Variants in PRRX2 observed in about 807,000 individuals in gnomAD.
PRRX2 encodes the protein paired mesoderm homeobox protein 2.
Under a neutral mutation model 18.0 loss-of-function variants are expected in PRRX2, and 11 were observed. The observed-to-expected ratio is 0.61, with a 90% CI of 0.39 to 1.01. The LOEUF is 1.01. PRRX2 is among the 50% of genes least tolerant of loss of function. The pLI is 0.01. For synonymous variants in PRRX2, 177 were observed against 154.8 expected (o/e 1.14, Z -1.06); for missense variants, 387 against 351.0 (o/e 1.10, Z -0.82).
rs976611683 is a variant in PRRX2 at position 129,715,573 on chromosome 9, A to G, written c.260-3658A>G. 6.6e-6 allele frequency among the ~76,000 whole-genome samples: 1 copy of G among 152,148 alleles called. No individual in the cohort carries two copies. Among genetic ancestry groups the G allele is most frequent in the African/African-American group, 2.4e-5 (1 of 41,430 alleles). ...GCCACTGCACTCCAGCTTGGGCAAC[A>G]GAGTGAGACCCTGTCTCAAAAAATA... On this transcript the variant is annotated intron_variant, in intron 1 of 3. Coordinates refer to ENST00000372469, the MANE Select transcript of PRRX2 (RefSeq NM_016307.4). This position sits in a 1 kb window ranked among gnomAD's most constrained non-coding sequence, Gnocchi z 4.0.
chr9:129,684,502 AC>A (rs1832276788), intron 1 of PRRX2, among the ~76,000 whole-genome samples: 2 of 83,218 alleles, frequency 2.4e-5, no homozygotes, highest in Admixed American at 1.1e-4. Context: ...ACACACACAC[AC>A]ACACACACAC....
At chr9:129,674,181 G>A (rs960797552) in intron 1 of PRRX2, among the ~76,000 whole-genome samples, 1 of 152,182 alleles carries the variant, frequency 6.6e-6, no homozygotes, top group Non-Finnish European at 1.5e-5. Context: ...CCCGGGTCCA[G>A]CTGCCCTGCT....
chr9:129,707,720 G>A (rs999721840), intron 1 of PRRX2, among the ~76,000 whole-genome samples: 5 of 151,820 alleles, frequency 3.3e-5, no homozygotes, highest in African/African-American at 1.2e-4. Flanking sequence ...GAACCCAGGA[G>A]GAGGAGGTTG....
chr9:129,676,572 A>G (rs544886377), intron 1 of PRRX2, among the ~76,000 whole-genome samples: 2 of 152,214 alleles, frequency 1.3e-5, no homozygotes, highest in Non-Finnish European at 2.9e-5. Flanking sequence ...ACTGTGAAGC[A>G]GGGACTGAGG....
chr9:129,696,820 G>A (rs1832429974), intron 1 of PRRX2, among the ~76,000 whole-genome samples: 1 of 152,118 alleles, frequency 6.6e-6, no homozygotes, highest in African/African-American at 2.4e-5. Context: ...CTGACAGAGG[G>A]AGGGCAAGGG....
At chr9:129,694,527 C>T (rs1481935609) in intron 1 of PRRX2, among the ~76,000 whole-genome samples, 5 of 152,182 alleles carry the variant, frequency 3.3e-5, no homozygotes, top group Admixed American at 3.3e-4. Context: ...TGCTGGCTGC[C>T]TCCTGGGGAG....
rs898945026 is a variant in PRRX2 at position 129,671,207 on chromosome 9, C to T, written c.259+5081C>T. Among the ~76,000 whole-genome samples the T allele has an allele frequency of 6.6e-5, 10 of 152,142 alleles. No homozygotes were observed. The highest frequency in any genetic ancestry group is 1.9e-4 in the East Asian group (1 of 5,192). On this transcript the variant is annotated intron_variant, in intron 1 of 3. Coordinates refer to ENST00000372469, the MANE Select transcript of PRRX2 (RefSeq NM_016307.4). The surrounding 1 kb of genome is among the most constrained non-coding windows in gnomAD (Gnocchi z 4.0). ...CAGATGATCATGTCTCAGCAGGAGC[C>T]GGGGAGCAGGGAGGGAGGAGGAGTG... is the stretch of plus-strand genomic sequence containing the variant.
At chr9:129,704,331 G>C (rs1157107225) in intron 1 of PRRX2, among the ~76,000 whole-genome samples, 1 of 152,240 alleles carries the variant, frequency 6.6e-6, no homozygotes, top group Non-Finnish European at 1.5e-5. Context: ...CCACCTGAGA[G>C]GGAGGGAGAG....
chr9:129,707,822 T>C (rs36121890), intron 1 of PRRX2, among the ~76,000 whole-genome samples: 53 of 151,928 alleles, frequency 3.5e-4, no homozygotes, highest in Non-Finnish European at 6.6e-4. Context: ...TATGGACATA[T>C]GTCATTGTGT....
At chr9:129,713,589 T>C (rs1364248343) in intron 1 of PRRX2, among the ~76,000 whole-genome samples, 3 of 151,686 alleles carry the variant, frequency 2.0e-5, no homozygotes, top group Non-Finnish European at 1.5e-5. Context: ...CAGCCTTGGC[T>C]TGGCCAGGCC....
At position 129,675,591 on chromosome 9, in the gene PRRX2, C is replaced by A. The variant is rs1832153761; in HGVS notation, c.259+9465C>A. Among the ~76,000 whole-genome samples the A allele has an allele frequency of 6.6e-6, 1 of 152,140 alleles. No homozygotes were observed. The highest frequency in any genetic ancestry group is 1.5e-5 in the Non-Finnish European group (1 of 68,000). On this transcript the variant is annotated intron_variant, in intron 1 of 3. Transcript: ENST00000372469. The surrounding 1 kb of genome is among the most constrained non-coding windows in gnomAD (Gnocchi z 4.4). The stretch of plus-strand genomic sequence containing the variant: ...CCCCCAGGGGGCGGCTGCCTTGCCC[C>A]AGACTTTGTCCTCCTGCCCCCACCC...
intron 1 of PRRX2, among the ~76,000 whole-genome samples, chr9:129,670,264 T>A (rs919407700): frequency 6.6e-6 from 1 of 152,056 alleles, no homozygotes. Context: ...TCCCATCTAC[T>A]GTGAACAGCA....
At chr9:129,674,336 ATAT>A (rs1832138440) in intron 1 of PRRX2, among the ~76,000 whole-genome samples, 1 of 151,944 alleles carries the variant, frequency 6.6e-6, no homozygotes, top group Non-Finnish European at 1.5e-5. Context: ...TCTCTGGAAG[ATAT>A]TATTCTGGTT....
intron 1 of PRRX2, among the ~76,000 whole-genome samples, chr9:129,705,887 G>C (rs1217224774): frequency 6.6e-6 from 1 of 151,204 alleles, no homozygotes; most frequent in African/African-American, 2.4e-5. Context: ...AGCCACTCCT[G>C]CTGGCTCTCT....
chr9:129,682,104 G>A (rs748999646), intron 1 of PRRX2, among the ~76,000 whole-genome samples: 10 of 152,094 alleles, frequency 6.6e-5, no homozygotes, highest in Non-Finnish European at 1.3e-4. Context: ...TCCTGTGCCC[G>A]AGGTACCCCA....
chr9:129,701,498 G>C (rs1438776984), intron 1 of PRRX2, among the ~76,000 whole-genome samples: 6 of 152,198 alleles, frequency 3.9e-5, no homozygotes, highest in Non-Finnish European at 8.8e-5. Context: ...AGGAAAGCGG[G>C]ATATGGTTGG....
intron 1 of PRRX2, among the ~76,000 whole-genome samples, chr9:129,701,965 A>T (rs945807035): frequency 2.0e-5 from 3 of 152,094 alleles, no homozygotes; most frequent in Admixed American, 6.6e-5. Context: ...GTCAGGCCTG[A>T]TGCCGGGTGC....
intron 1 of PRRX2, among the ~76,000 whole-genome samples, chr9:129,717,330 G>A (rs113380204): frequency 0.021 from 3,118 of 152,068 alleles, 53 homozygotes; most frequent in Middle Eastern, 0.078. Context: ...TCAGCGTCCC[G>A]AAGTGATGGG....
In PRRX2 at chr9:129,671,132, A is replaced by G. The variant is rs966981410; in HGVS notation, c.259+5006A>G. Among the ~76,000 whole-genome samples the G allele has an allele frequency of 3.9e-5, 6 of 152,100 alleles. No individual in the cohort carries two copies. Among genetic ancestry groups the G allele is most frequent in the Non-Finnish European group, 8.8e-5 (6 of 68,000 alleles). On this transcript the variant is annotated intron_variant, in intron 1 of 3. Transcript: ENST00000372469. This position sits in a 1 kb window ranked among gnomAD's most constrained non-coding sequence, Gnocchi z 4.0. ...CCCATGATGGGCGTGTCTCCCTGGG[A>G]TGTGGGGTCTCTGAGCCTGGGTCTG... is the stretch of plus-strand genomic sequence containing the variant.
Sources: gnomAD v4.1 joint callset for allele counts (sites outside exome capture counted in the v4.1 genomes callset) on GRCh38, gnomAD v4.1.1 for gene constraint, Gnocchi (gnomAD v3.1) non-coding constraint, MANE v1.5 for transcripts, NCBI Gene and HGNC (gene_info 2026-07-23, HGNC 2026-07-21) for gene names.